The following TESC variants were observed in gnomAD, a reference collection of about 807,000 sequenced individuals.
TESC encodes the protein tescalcin.
A neutral mutation model predicts 31.0 loss-of-function variants in TESC; 19 were observed. The observed-to-expected ratio is 0.61, with a 90% confidence interval of 0.43 to 0.90. The LOEUF (loss-of-function observed/expected upper bound fraction) is 0.90. TESC is among the 40% of genes least tolerant of loss of function. TESC has a pLI of 0.00. For missense variants in TESC, 248 were observed against 303.8 expected (o/e 0.82, Z 1.36); for synonymous variants, 109 against 114.8 (o/e 0.95, Z 0.32).
At chr12:117,046,368 G>C in intron 6 of TESC, 191 bp downstream of exon 6, 1 of 615,078 alleles carries the variant, frequency 1.6e-6, no homozygotes, top group East Asian at 2.8e-5. Context: ...GCCTTATGCA[G>C]CTCTCTGGGG....
chr12:117,076,497 T>G (rs1232748054), intron 1 of TESC, among the ~76,000 whole-genome samples: 2 of 152,178 alleles, frequency 1.3e-5, no homozygotes, highest in African/African-American at 4.8e-5. Flanking sequence ...CAGGCTAGAA[T>G]GCAGTGGTGC....
At chr12:117,065,745 C>T (rs556835860) in intron 2 of TESC, among the ~76,000 whole-genome samples, 8 of 152,092 alleles carry the variant, frequency 5.3e-5, no homozygotes, top group African/African-American at 1.4e-4. Context: ...AAAAATTAGC[C>T]GGGTATGGTG....
At chr12:117,058,076 C>G (rs978547140) in intron 2 of TESC, among the ~76,000 whole-genome samples, 1 of 151,972 alleles carries the variant, frequency 6.6e-6, no homozygotes, top group Non-Finnish European at 1.5e-5. Context: ...AAAAATTACC[C>G]GGGTGTGGTG....
intron 3 of TESC, among the ~76,000 whole-genome samples, chr12:117,056,491 G>C (rs1185050253): frequency 1.3e-5 from 2 of 152,026 alleles, no homozygotes; most frequent in Non-Finnish European, 2.9e-5. Context: ...TCCCACCGCA[G>C]CCTCCCCAGC....
chr12:117,094,266 C>G (rs546356349), intron 1 of TESC, among the ~76,000 whole-genome samples: 31 of 152,230 alleles, frequency 2.0e-4, no homozygotes, highest in African/African-American at 7.5e-4. Flanking sequence ...AAGGTGGGCA[C>G]GCAGACCTGA....
At chr12:117,041,736 G>A (rs1430296072) in intron 7 of TESC, among the ~76,000 whole-genome samples, 2 of 152,172 alleles carry the variant, frequency 1.3e-5, no homozygotes, top group Non-Finnish European at 2.9e-5. Flanking sequence ...TTTTGACTAC[G>A]TGTGAATATT....
rs1312079241 is a variant in TESC at position 117,048,876 on chromosome 12, C to T, written c.349+143G>A. On this transcript the variant is annotated intron_variant, in intron 4 of 7. Coordinates refer to ENST00000335209, the MANE Select transcript of TESC (RefSeq NM_017899.4). ...GACAGCAATGCCAGCCTCACAGGGACGAGGGCTGGTGGCCCCAAGCCCTCC... is the reference window on the plus strand; with the variant it reads ...GACAGCAATGCCAGCCTCACAGGGATGAGGGCTGGTGGCCCCAAGCCCTCC... 38 of 1,282,572 alleles carry T rather than the reference C, an allele frequency of 3.0e-5. 1 individual carries two copies. The highest frequency in any genetic ancestry group is 3.6e-4 in the Middle Eastern group (2 of 5,542). 79.4% of individuals were successfully genotyped at this position (1,282,572 alleles called of 1,614,324 possible). A position where few individuals can be genotyped will look rare whatever the true frequency, so the allele number is the denominator to read the frequency against.
intron 4 of TESC, among the ~76,000 whole-genome samples, chr12:117,047,855 C>G (rs1313825735): frequency 6.6e-6 from 1 of 152,144 alleles, no homozygotes; most frequent in Admixed American, 6.6e-5. Context: ...ACCCTCCCAC[C>G]CCAGTCTCCC....
At chr12:117,057,310 G>A (rs549634124) in intron 2 of TESC, among the ~76,000 whole-genome samples, 6 of 152,106 alleles carry the variant, frequency 3.9e-5, no homozygotes, top group Non-Finnish European at 8.8e-5. Flanking sequence ...ATGTTGCCCT[G>A]GCTGGTCTTG....
chr12:117,072,774 C>G (rs903634764), intron 2 of TESC, among the ~76,000 whole-genome samples: 2 of 152,152 alleles, frequency 1.3e-5, no homozygotes, highest in Admixed American at 1.3e-4. Context: ...TGGCGCAGAG[C>G]AGATGCTCAT....
chr12:117,047,321 G>A lies in TESC; in HGVS notation c.350-483C>T, dbSNP rs187404797. 3.9e-4 allele frequency among the ~76,000 whole-genome samples: 59 copies of A among 152,364 alleles called. No individual in the cohort carries two copies. In the East Asian group the frequency reaches 8.5e-3, roughly 22 times the overall value. ...TCTAACATGGGCAGCCCCAGGCCTG[G>A]CATCAGGGAGGCGATGGCCGGGAGG... On this transcript the variant is annotated intron_variant, in intron 4 of 7. Coordinates refer to ENST00000335209, the MANE Select transcript of TESC (RefSeq NM_017899.4).
intron 1 of TESC, among the ~76,000 whole-genome samples, chr12:117,083,018 AAC>A (rs1319097449): frequency 3.3e-5 from 5 of 152,348 alleles, no homozygotes; most frequent in African/African-American, 1.2e-4. Flanking sequence ...CACCGTGGAA[AAC>A]AGTTTGGTAG....
At chr12:117,066,246 G>C (rs535921956) in intron 2 of TESC, among the ~76,000 whole-genome samples, 2 of 116,994 alleles carry the variant, frequency 1.7e-5, no homozygotes, top group African/African-American at 3.5e-5. Flanking sequence ...TCACTCTATC[G>C]CCCAGGCTGG....
intron 1 of TESC, among the ~76,000 whole-genome samples, chr12:117,094,717 T>C (rs1872920278): frequency 6.6e-6 from 1 of 152,080 alleles, no homozygotes; most frequent in South Asian, 2.1e-4. Context: ...ATTCGTTTCA[T>C]AAAGAGACAG....
In TESC at chr12:117,039,164, A is replaced by T; in HGVS notation, c.614T>A (p.Leu205His). ...DIETKMHVRF[L>H]NMETMALCH is the part of the protein sequence containing the mutation. ...GCAGAGGGCCATGGTTTCCATGTTA[A>T]GGAAGCGGACGTGCATCTTGGTCTC... Residue 205 changes from leucine to histidine, a missense_variant, in exon 8 of 8, where the codon CTT (leucine) becomes CAT (histidine). Transcript: ENST00000335209. The T allele has an allele frequency of 6.2e-7, 1 of 1,614,144 alleles. No homozygotes were observed. Among genetic ancestry groups the T allele is most frequent in the Non-Finnish European group, 8.5e-7 (1 of 1,180,000 alleles).
chr12:117,094,249 G>A (rs553804439), intron 1 of TESC, among the ~76,000 whole-genome samples: 95 of 152,348 alleles, frequency 6.2e-4, no homozygotes, highest in Non-Finnish European at 1.2e-3. Context: ...AACAGGCAGG[G>A]AGAAGGAAGG....
At chr12:117,049,604 TAAG>T (rs1318508555) in intron 3 of TESC, among the ~76,000 whole-genome samples, 1 of 152,176 alleles carries the variant, frequency 6.6e-6, no homozygotes, top group Non-Finnish European at 1.5e-5. Flanking sequence ...GCCCCTGAAC[TAAG>T]AAGACTTTTC....
intron 1 of TESC, among the ~76,000 whole-genome samples, chr12:117,079,109 G>A (rs1037661300): frequency 1.3e-5 from 2 of 152,110 alleles, no homozygotes; most frequent in African/African-American, 4.8e-5. Context: ...TTTGAACTTG[G>A]TCTGTCTGGC....
chr12:117,075,238 C>T, intron 2 of TESC, 33 bp downstream of exon 2: 1 of 1,609,802 alleles, frequency 6.2e-7, no homozygotes. Flanking sequence ...GGGCATGGCC[C>T]CACCCAGCAC....
Sources: gnomAD v4.1 joint callset for allele counts (sites outside exome capture counted in the v4.1 genomes callset) on GRCh38, gnomAD v4.1.1 for gene constraint, MANE v1.5 for transcripts, NCBI Gene and HGNC (gene_info 2026-07-23, HGNC 2026-07-21) for gene names.